FOXF2: variants seen among roughly 807,000 people sequenced by gnomAD.
FOXF2 encodes forkhead box protein F2.
FOXF2 carries 15 observed loss-of-function variants against 29.1 expected under a neutral mutation model. The observed-to-expected ratio is 0.52, with a 90% CI of 0.35 to 0.79. FOXF2 has a LOEUF of 0.79. Among genes scored for constraint, FOXF2 ranks in the 30% least tolerant of loss-of-function variants. The pLI is 0.01. For missense variants in FOXF2, 675 were observed against 667.1 expected, an observed-to-expected ratio of 1.01 and a Z score of -0.13; for synonymous variants, 337 against 316.5, an observed-to-expected ratio of 1.06 and a Z score of -0.69.
chr6:1,392,448 A>T (rs867743813), intron 1 of FOXF2, among the ~76,000 whole-genome samples: 25 of 146,376 alleles, frequency 1.7e-4, no homozygotes, highest in East Asian at 7.9e-4. Flanking sequence ...ACACACACAC[A>T]CACACACACA....
In FOXF2 at chr6:1,389,712, C is replaced by T. The variant is rs1758730306; in HGVS notation, c.-236C>T. The T allele has an allele frequency of 6.6e-6, 1 of 151,032 alleles. No homozygotes were observed. The highest frequency in any genetic ancestry group is 1.5e-5 in the Non-Finnish European group (1 of 67,626). 9.4% of individuals were successfully genotyped at this position (151,032 alleles called of 1,614,324 possible). ...GGAGGCCGTTGCGCAAGGCAGGGCCCGCGGCTCGGGGAGGGATGCGCCGGG... is the reference window on the plus strand; with the variant it reads ...GGAGGCCGTTGCGCAAGGCAGGGCCTGCGGCTCGGGGAGGGATGCGCCGGG... On this transcript the variant is annotated 5_prime_UTR_variant, in exon 1 of 2. Transcript: ENST00000645481.
Position 1,390,142 on chromosome 6 carries a change from G to A in FOXF2, c.195G>A (p.Ser65=). The A allele has an allele frequency of 6.9e-7, 1 of 1,453,978 alleles. No homozygotes were observed. Among genetic ancestry groups the A allele is most frequent in the African/African-American group, 1.5e-5 (1 of 67,414 alleles). 90.1% of individuals were successfully genotyped at this position (1,453,978 alleles called of 1,614,324 possible). The part of the protein sequence containing the change: ...SCASSSSSSN[S]ASAPSAACKS... ...CCTCGTCCTCGTCCTCCTCCAATTC[G>A]GCCAGCGCCCCCTCGGCTGCCTGCA... Residue 65 remains serine, a synonymous_variant, in exon 1 of 2, where the codon TCG becomes TCA. Coordinates refer to ENST00000645481, the MANE Select transcript of FOXF2 (RefSeq NM_001452.2). The surrounding 1 kb of genome is among the most constrained non-coding windows in gnomAD (Gnocchi z 8.5).
rs1285487547 is a variant in FOXF2 at position 1,390,470 on chromosome 6, A to T, written c.523A>T (p.Thr175Ser). The T allele has an allele frequency of 6.2e-7, 1 of 1,611,876 alleles. No homozygotes were observed. Among genetic ancestry groups the T allele is most frequent in the African/African-American group, 1.3e-5 (1 of 74,956 alleles). ...GCGGCCCGGCAAGGGCCACTACTGG[A>T]CCATCGACCCGGCCAGCGAGTTCAT... is the stretch of plus-strand genomic sequence containing the variant. ...LGRPGKGHYW[T>S]IDPASEFMFE... Residue 175 changes from threonine (T) to serine (S), a missense_variant, in exon 1 of 2, where the codon ACC (threonine) becomes TCC (serine). Coordinates refer to ENST00000645481, the MANE Select transcript of FOXF2 (RefSeq NM_001452.2). This position sits in a 1 kb window ranked among gnomAD's most constrained non-coding sequence, Gnocchi z 8.5.
intron 1 of FOXF2, among the ~76,000 whole-genome samples, chr6:1,391,450 G>A (rs531533072): frequency 2.6e-5 from 4 of 152,392 alleles, no homozygotes; most frequent in Admixed American, 6.5e-5. Context: ...TTAGCTTGGA[G>A]AGAAGGCATC....
Position 1,390,856 on chromosome 6 carries a change from C to T in FOXF2, c.909C>T (p.Gly303=). ...GGGGCGTCGGTGCGGCCGGGGGCGG[C>T]GGCGGCGGCGACTACGGGCCGGACA... is the stretch of plus-strand genomic sequence containing the variant. ...GPGGVGAAGG[G]GGGDYGPDSS... The change falls in exon 1 of 2, where the codon GGC becomes GGT. Residue 303 remains glycine (G), a synonymous_variant. Coordinates refer to ENST00000645481, the MANE Select transcript of FOXF2 (RefSeq NM_001452.2). The surrounding 1 kb of genome is among the most constrained non-coding windows in gnomAD (Gnocchi z 8.5). 1 of 1,440,272 alleles carries T rather than the reference C, an allele frequency of 6.9e-7. No homozygotes were observed. The allele number at this position is 1,440,272 out of a possible 1,614,324, so 89.2% of individuals were successfully genotyped here. A position where few individuals can be genotyped will look rare whatever the true frequency, so the allele number is the denominator to read the frequency against.
chr6:1,390,154 C>A lies in FOXF2; in HGVS notation c.207C>A (p.Pro69=). ...SSSSSNSASA[P]SAACKSAGGG... is the part of the protein sequence containing the mutation. Reference sequence around the variant, plus strand: ...CCTCCTCCAATTCGGCCAGCGCCCCCTCGGCTGCCTGCAAGAGCGCGGGCG... The same window carrying A: ...CCTCCTCCAATTCGGCCAGCGCCCCATCGGCTGCCTGCAAGAGCGCGGGCG... The change falls in exon 1 of 2, where the codon CCC becomes CCA. Residue 69 remains proline, a synonymous_variant. Transcript: ENST00000645481. The surrounding 1 kb of genome is among the most constrained non-coding windows in gnomAD (Gnocchi z 8.5). 6.8e-7 allele frequency: 1 copy of A among 1,464,554 alleles called. No homozygotes were observed. The highest frequency in any genetic ancestry group is 9.1e-7 in the Non-Finnish European group (1 of 1,100,720). The allele number at this position is 1,464,554 out of a possible 1,614,324, so 90.7% of individuals were successfully genotyped here.
At chr6:1,392,794 G>T (rs1055027370) in intron 1 of FOXF2, among the ~76,000 whole-genome samples, 1 of 152,192 alleles carries the variant, frequency 6.6e-6, no homozygotes, top group Admixed American at 6.5e-5. Flanking sequence ...AAAGCAAGCC[G>T]GCCTCTGTGC....
chr6:1,395,448 A>G lies in FOXF2; in HGVS notation c.*589A>G, dbSNP rs1179492227. The G allele has an allele frequency of 6.5e-6, 1 of 154,522 alleles. No homozygotes were observed. The highest frequency in any genetic ancestry group is 1.9e-4 in the East Asian group (1 of 5,220). The allele number at this position is 154,522 out of a possible 1,614,324, so 9.6% of individuals were successfully genotyped here. On this transcript the variant is annotated 3_prime_UTR_variant, in exon 2 of 2. Transcript: ENST00000645481. ...CAACGTTTTTACAAGGTTGTTTTCT[A>G]CCACCATATTTTAAAGATATTTTTA... is the stretch of plus-strand genomic sequence containing the variant.
intron 1 of FOXF2, among the ~76,000 whole-genome samples, chr6:1,391,954 T>C (rs757420566): frequency 3.3e-5 from 5 of 152,150 alleles, no homozygotes; most frequent in Middle Eastern, 3.2e-3. Context: ...AAGAGGGAAT[T>C]TGAATATTTG....
chr6:1,392,764 G>A (rs1046460428), intron 1 of FOXF2, among the ~76,000 whole-genome samples: 1 of 152,224 alleles, frequency 6.6e-6, no homozygotes, highest in Non-Finnish European at 1.5e-5. Context: ...CTGTCTTGGA[G>A]GGGGTGAAAA....
At position 1,390,649 on chromosome 6, in the gene FOXF2, G is replaced by T. The variant is rs758830653; in HGVS notation, c.702G>T (p.Pro234=). 2 of 1,569,914 alleles carry T rather than the reference G, an allele frequency of 1.3e-6. No homozygotes were observed. Among genetic ancestry groups the T allele is most frequent in the Non-Finnish European group, 1.7e-6 (2 of 1,166,824 alleles). ...ACTTCCAGGCGCCCCCGTCGGCGCCGCTCGGCTGCCACAGCCAGGGCGGCT... is the reference window on the plus strand; with the variant it reads ...ACTTCCAGGCGCCCCCGTCGGCGCCTCTCGGCTGCCACAGCCAGGGCGGCT... ...GFDFQAPPSA[P]LGCHSQGGYG... The change falls in exon 1 of 2, where the codon CCG becomes CCT. Residue 234 remains proline, a synonymous_variant. Coordinates refer to ENST00000645481, the MANE Select transcript of FOXF2 (RefSeq NM_001452.2). The surrounding 1 kb of genome is among the most constrained non-coding windows in gnomAD (Gnocchi z 8.5).
chr6:1,390,862 C>T lies in FOXF2; in HGVS notation c.915C>T (p.Gly305=). The part of the protein sequence containing the change: ...GGVGAAGGGG[G]GDYGPDSSSS... ...TCGGTGCGGCCGGGGGCGGCGGCGGCGGCGACTACGGGCCGGACAGCAGCA... is the reference window on the plus strand; with the variant it reads ...TCGGTGCGGCCGGGGGCGGCGGCGGTGGCGACTACGGGCCGGACAGCAGCA... Residue 305 remains glycine, a synonymous_variant, in exon 1 of 2, where the codon GGC becomes GGT. Coordinates refer to ENST00000645481, the MANE Select transcript of FOXF2 (RefSeq NM_001452.2). The surrounding 1 kb of genome is among the most constrained non-coding windows in gnomAD (Gnocchi z 8.5). 6.9e-7 allele frequency: 1 copy of T among 1,448,506 alleles called. No homozygotes were observed. The highest frequency in any genetic ancestry group is 9.0e-7 in the Non-Finnish European group (1 of 1,111,234). 89.7% of individuals were successfully genotyped at this position (1,448,506 alleles called of 1,614,324 possible).
rs753759708 is a variant in FOXF2 at position 1,390,310 on chromosome 6, G to C, written c.363G>C (p.Leu121=). ...TCCAGAGCTCGCCCAGCAAGCGCCTGACGCTCAGCGAGATCTACCAGTTCC... is the reference window on the plus strand; with the variant it reads ...TCCAGAGCTCGCCCAGCAAGCGCCTCACGCTCAGCGAGATCTACCAGTTCC... ...MAIQSSPSKR[L]TLSEIYQFLQ... Residue 121 remains leucine (L), a synonymous_variant, in exon 1 of 2, where the codon CTG becomes CTC. Coordinates refer to ENST00000645481, the MANE Select transcript of FOXF2 (RefSeq NM_001452.2). The surrounding 1 kb of genome is among the most constrained non-coding windows in gnomAD (Gnocchi z 8.5). The C allele has an allele frequency of 2.5e-6, 4 of 1,613,168 alleles. No individual in the cohort carries two copies. In the African/African-American group the frequency reaches 5.3e-5, roughly 22 times the overall value.
rs1758780818 is a variant in FOXF2, at chr6:1,391,115, T to G, written c.1168T>G (p.Ser390Ala). Residue 390 changes from serine (S) to alanine (A), a missense_variant, in exon 1 of 2, where the codon TCA becomes GCA. Ser to Ala is a moderately conservative substitution (Grantham distance 99). Around this residue, in one of 3 missense-constraint regions of FOXF2, gnomAD observed 451 missense variants for 437.2 expected, o/e 1.03. Coordinates refer to ENST00000645481, the MANE Select transcript of FOXF2 (RefSeq NM_001452.2). ...YLHQNAREDL[S>A]VGLPRYQHHS... ...GCACCAGAACGCTCGCGAGGACCTCTCAGGTAACGCAGCACGCTCCAGCCC... is the reference window on the plus strand; with the variant it reads ...GCACCAGAACGCTCGCGAGGACCTCGCAGGTAACGCAGCACGCTCCAGCCC... 6.2e-7 allele frequency: 1 copy of G among 1,601,230 alleles called. No individual in the cohort carries two copies. Among genetic ancestry groups the G allele is most frequent in the African/African-American group, 1.3e-5 (1 of 74,912 alleles).
rs1554124328 is a variant in FOXF2, at chr6:1,392,434, T to TCTCACACACA, written c.1171+1317_1171+1318insTCACACACAC. Among the ~76,000 whole-genome samples the TCTCACACACA allele has an allele frequency of 3.1e-3, 337 of 107,766 alleles. 5 individuals carry two copies. The highest frequency in any genetic ancestry group is 9.8e-3 in the African/African-American group (290 of 29,488). The allele number at this position is 107,766 out of a possible 152,430, so 70.7% of individuals were successfully genotyped here. On this transcript the variant is annotated intron_variant, in intron 1 of 1. Transcript: ENST00000645481. ...TGTATTCCCTTGGACCGGCTGTCAA[T>TCTCACACACA]CACACACACACACACACACACACAC...
rs1758785078 is a variant in FOXF2, at chr6:1,391,350, G to T, written c.1171+232G>T. Among the ~76,000 whole-genome samples, 4 of 152,244 alleles carry T rather than the reference G, an allele frequency of 2.6e-5. No individual in the cohort carries two copies. The South Asian group carries it at 8.3e-4, about 31-fold the overall frequency. ...GCCGAAGCTTCAGAATTGTCTGGCT[G>T]CTGTGAGCGTGGTGTAAAGTCCCCT... On this transcript the variant is annotated intron_variant, in intron 1 of 1. Transcript: ENST00000645481.
rs745752775 is a variant in FOXF2 at position 1,394,789 on chromosome 6, C to CAGCT, written c.1269_1272dup (p.Gly425Ter). On this transcript the variant is annotated frameshift_variant, in exon 2 of 2. Transcript: ENST00000645481. LOFTEE classifies it high-confidence loss of function. ...AATGGGATTTCTTCTTTCCATCCCT[C>CAGCT]AGCTAGCGGGTCGTATTATCACCAT... 5.6e-6 allele frequency: 9 copies of CAGCT among 1,613,980 alleles called. No homozygotes were observed. The highest frequency in any genetic ancestry group is 1.7e-5 in the Admixed American group (1 of 59,998).
Position 1,394,944 on chromosome 6 carries a change from T to C in FOXF2, c.*85T>C. The C allele has an allele frequency of 7.2e-7, 1 of 1,381,908 alleles. No homozygotes were observed. Among genetic ancestry groups the C allele is most frequent in the South Asian group, 1.2e-5 (1 of 86,056 alleles). The allele number at this position is 1,381,908 out of a possible 1,614,324, so 85.6% of individuals were successfully genotyped here. A position where few individuals can be genotyped will look rare whatever the true frequency, so the allele number is the denominator to read the frequency against. The stretch of plus-strand genomic sequence containing the variant: ...GAAACTGGGACGGATTCAAGTCACA[T>C]GCACGCGGATAGCAGTAAGCCACAC... On this transcript the variant is annotated 3_prime_UTR_variant, in exon 2 of 2. Transcript: ENST00000645481.
intron 1 of FOXF2, among the ~76,000 whole-genome samples, chr6:1,393,611 G>A (rs1464293046): frequency 2.0e-5 from 3 of 152,172 alleles, no homozygotes; most frequent in African/African-American, 7.2e-5. Context: ...GGACACGGCG[G>A]GGCTGAGGCC....
Sources: gnomAD v4.1 joint callset for allele counts (sites outside exome capture counted in the v4.1 genomes callset) on GRCh38, gnomAD v4.1.1 for gene constraint, gnomAD v4.1.1 regional missense constraint, Gnocchi (gnomAD v3.1) non-coding constraint, MANE v1.5 for transcripts, NCBI Gene and HGNC (gene_info 2026-07-23, HGNC 2026-07-21) for gene names.